Variants in SIRPB2 observed in about 807,000 individuals in gnomAD.
SIRPB2 encodes signal regulatory protein beta 2, also known as signal-regulatory protein beta-2.
SIRPB2 carries 18 observed loss-of-function variants against 27.1 expected under a neutral mutation model. The ratio of observed to expected loss-of-function variants is 0.66; its 90% confidence interval spans 0.46 to 0.98. SIRPB2 has a LOEUF of 0.98. Among genes scored for constraint, SIRPB2 ranks in the 50% least tolerant of loss-of-function variants. The pLI is 0.00. For missense variants in SIRPB2, 420 were observed against 417.4 expected (o/e 1.01, Z -0.06); for synonymous variants, 150 against 164.6 (o/e 0.91, Z 0.68).
chr20:1,479,249 T>C (rs989803809), intron 2 of SIRPB2: 5 of 185,100 alleles, frequency 2.7e-5, no homozygotes, highest in Admixed American at 2.7e-4. Context: ...GGGAGTGTGG[T>C]AGATGACATG....
At chr20:1,476,902 G>A (rs2090610927) in intron 4 of SIRPB2, 1 of 1,163,138 alleles carries the variant, frequency 8.6e-7, no homozygotes, top group South Asian at 1.8e-5. Context: ...CCATGAAGTA[G>A]GGTCTCTGAT....
intron 1 of SIRPB2, among the ~76,000 whole-genome samples, chr20:1,486,786 C>T (rs2090731322): frequency 6.6e-6 from 1 of 152,114 alleles, no homozygotes; most frequent in Non-Finnish European, 1.5e-5. Context: ...AACATGCATT[C>T]CTAATAATAA....
At chr20:1,491,202 G>T in intron 1 of SIRPB2, 73 bp downstream of exon 1, 1 of 1,354,168 alleles carries the variant, frequency 7.4e-7, no homozygotes. Context: ...TTCAGGCATG[G>T]CAGAGCACTT....
intron 1 of SIRPB2, among the ~76,000 whole-genome samples, chr20:1,486,422 C>T (rs1026963062): frequency 1.3e-4 from 20 of 151,972 alleles, no homozygotes; most frequent in Non-Finnish European, 2.4e-4. Context: ...TATACAAATA[C>T]TTTTAGAAAA....
At chr20:1,488,668 A>C (rs2090750238) in intron 1 of SIRPB2, among the ~76,000 whole-genome samples, 1 of 152,058 alleles carries the variant, frequency 6.6e-6, no homozygotes, top group Non-Finnish European at 1.5e-5. Context: ...AATCACAGTA[A>C]GATATTACTA....
At position 1,478,509 on chromosome 20, in the gene SIRPB2, C is replaced by T; in HGVS notation, c.550G>A (p.Gly184Arg). The T allele has an allele frequency of 1.9e-6, 3 of 1,614,120 alleles. No homozygotes were observed. The highest frequency in any genetic ancestry group is 2.5e-6 in the Non-Finnish European group (3 of 1,180,024). Residue 184 changes from glycine (G) to arginine (R), a missense_variant, in exon 3 of 5, where the codon GGA becomes AGA. Coordinates refer to ENST00000359801, the MANE Select transcript of SIRPB2 (RefSeq NM_001122962.2). ...CTGATGGGTCCAGGGGGACCGTCTC[C>T]AAGCACTGTGCAGTTCAGAAAGACA... ...DTVFLNCTVLGDGPPGPIRWF... is the reference protein window; with the variant it reads ...DTVFLNCTVLRDGPPGPIRWF...
At chr20:1,483,392 C>T (rs2090693285) in intron 1 of SIRPB2, among the ~76,000 whole-genome samples, 1 of 152,132 alleles carries the variant, frequency 6.6e-6, no homozygotes, top group African/African-American at 2.4e-5. Context: ...CAGGCACGAG[C>T]CACAGCACCT....
At position 1,491,352 on chromosome 20, in the gene SIRPB2, G is replaced by A; in HGVS notation, c.8C>T (p.Ser3Phe). ...CAGGCAGGTGGGGGCCGACATCGTG[G>A]AGCACATGGCATCTTCTGTGGTCCC... MCSTMSAPTCLAH... is the reference protein window; with the variant it reads MCFTMSAPTCLAH... The change falls in exon 1 of 5, where the codon TCC becomes TTC. Residue 3 changes from serine to phenylalanine, a missense_variant. Coordinates refer to ENST00000359801, the MANE Select transcript of SIRPB2 (RefSeq NM_001122962.2). 2.5e-6 allele frequency: 4 copies of A among 1,609,242 alleles called. No individual in the cohort carries two copies. Among genetic ancestry groups the A allele is most frequent in the Non-Finnish European group, 2.5e-6 (3 of 1,178,330 alleles).
chr20:1,490,117 T>G lies in SIRPB2; in HGVS notation c.85+1158A>C, dbSNP rs75693179. Reference sequence around the variant, plus strand: ...TTTTATTCTGAGTAGTTTAGATTTCTGATTTCCTAGTCTAGTGCCTAAAAC... The same window carrying G: ...TTTTATTCTGAGTAGTTTAGATTTCGGATTTCCTAGTCTAGTGCCTAAAAC... On this transcript the variant is annotated intron_variant, in intron 1 of 4. Coordinates refer to ENST00000359801, the MANE Select transcript of SIRPB2 (RefSeq NM_001122962.2). Among the ~76,000 whole-genome samples, 1,132 of 152,354 alleles carry G rather than the reference T, an allele frequency of 7.4e-3. 10 individuals are homozygous for G. Among genetic ancestry groups the G allele is most frequent in the African/African-American group, 0.026 (1,086 of 41,572 alleles).
rs1599999181 is a variant in SIRPB2 at position 1,475,266 on chromosome 20, A to G, written c.*901T>C. On this transcript the variant is annotated 3_prime_UTR_variant, in exon 5 of 5. Transcript: ENST00000359801. ...ACAGGGCAGGTGAGAGGCTGTCTGT[A>G]TGCTGCTGTGGTGGAGATAACTGGT... 6.6e-6 allele frequency: 1 copy of G among 152,242 alleles called. No individual in the cohort carries two copies. Among genetic ancestry groups the G allele is most frequent in the Admixed American group, 6.5e-5 (1 of 15,282 alleles). The allele number at this position is 152,242 out of a possible 1,614,324, so 9.4% of individuals were successfully genotyped here.
At chr20:1,478,158 T>C (rs1600005867) in intron 3 of SIRPB2, 108 bp downstream of exon 3, 15 of 1,029,070 alleles carry the variant, frequency 1.5e-5, no homozygotes, top group Middle Eastern at 2.0e-4. Context: ...GAAAAACTTA[T>C]GTAAAGACAT....
chr20:1,474,438 C>A (rs2090591965), downstream of SIRPB2, among the ~76,000 whole-genome samples: 1 of 152,220 alleles, frequency 6.6e-6, no homozygotes, highest in Non-Finnish European at 1.5e-5. Context: ...TGAAAAACAT[C>A]TAGACTCATC....
intron 1 of SIRPB2, chr20:1,480,505 G>A: frequency 5.8e-6 from 1 of 172,094 alleles, no homozygotes; most frequent in East Asian, 1.5e-4. Flanking sequence ...TTTGGAGATA[G>A]GGTCTTTAAG....
intron 1 of SIRPB2, among the ~76,000 whole-genome samples, chr20:1,487,382 T>A (rs1243012834): frequency 3.3e-5 from 5 of 152,252 alleles, no homozygotes; most frequent in African/African-American, 1.2e-4. Context: ...TCTTCTCAAG[T>A]TGATATATAA....
intron 4 of SIRPB2, chr20:1,477,135 C>G: frequency 1.3e-6 from 2 of 1,536,328 alleles, no homozygotes; most frequent in Non-Finnish European, 1.7e-6. Flanking sequence ...ATGGCCCTGG[C>G]TATGAGAAAG....
chr20:1,477,083 A>T (rs2090612686), intron 4 of SIRPB2: 2 of 1,452,074 alleles, frequency 1.4e-6, no homozygotes, highest in African/African-American at 1.4e-5. Context: ...AATCACAGGG[A>T]GCTCACCACC....
intron 1 of SIRPB2, among the ~76,000 whole-genome samples, chr20:1,482,981 G>A (rs900901500): frequency 1.3e-5 from 2 of 152,120 alleles, no homozygotes; most frequent in African/African-American, 2.4e-5. Flanking sequence ...TTCTAGGATT[G>A]CTGGATCATA....
chr20:1,483,656 T>A (rs879624886), intron 1 of SIRPB2, among the ~76,000 whole-genome samples: 7 of 152,236 alleles, frequency 4.6e-5, no homozygotes, highest in Non-Finnish European at 1.0e-4. Flanking sequence ...ATTCCAGATA[T>A]TAGTCCCTTG....
At chr20:1,476,517 G>T in intron 4 of SIRPB2, 181 bp from the exon 5 acceptor site, 1 of 382,460 alleles carries the variant, frequency 2.6e-6, no homozygotes, top group Non-Finnish European at 3.6e-6. Flanking sequence ...CCCAGAGAAC[G>T]GTTGCCCAAT....
Sources: allele counts gnomAD v4.1 joint callset (sites outside exome capture counted in the v4.1 genomes callset), GRCh38; gene constraint gnomAD v4.1.1; transcripts MANE v1.5; gene names NCBI Gene and HGNC (gene_info 2026-07-23, HGNC 2026-07-21).